The following UTP20 variants were observed in gnomAD, a reference collection of about 807,000 sequenced individuals.
UTP20 encodes UTP20 small subunit processome component, also known as small subunit processome component 20 homolog.
UTP20 carries 164 observed loss-of-function variants against 329.5 expected under a neutral mutation model. That is an observed-to-expected ratio of 0.50 (90% CI 0.44 to 0.57). The LOEUF is 0.57. Ranked by LOEUF, UTP20 falls within the 20% of genes least tolerant of loss-of-function variation. The pLI, the probability that UTP20 is intolerant of heterozygous loss-of-function variation, is 0.00. For synonymous variants in UTP20, 1,151 were observed against 1,159.3 expected (o/e 0.99, Z 0.14); for missense variants, 3,055 against 3,284.2 (o/e 0.93, Z 1.71).
chr12:101,299,243 A>G (rs922103354), intron 12 of UTP20, among the ~76,000 whole-genome samples: 5 of 152,234 alleles, frequency 3.3e-5, no homozygotes, highest in African/African-American at 4.8e-5. Flanking sequence ...AAAATTACTT[A>G]TATGTCATAA....
chr12:101,350,237 G>A (rs1869472551), intron 38 of UTP20, among the ~76,000 whole-genome samples: 1 of 152,098 alleles, frequency 6.6e-6, no homozygotes, highest in African/African-American at 2.4e-5. Flanking sequence ...TATGATCATA[G>A]CTCACTGCAG....
At chr12:101,364,096 G>T (rs60389106) in intron 45 of UTP20, among the ~76,000 whole-genome samples, 2,151 of 152,254 alleles carry the variant, frequency 0.014, 51 homozygotes, top group African/African-American at 0.049. Flanking sequence ...TTATGTCCAT[G>T]TTTGAAATTT....
intron 48 of UTP20, among the ~76,000 whole-genome samples, chr12:101,368,206 C>G (rs1297293647): frequency 1.3e-5 from 2 of 151,538 alleles, no homozygotes; most frequent in Admixed American, 6.6e-5. Context: ...ATTGCAACCT[C>G]CACCTCCTAG....
At chr12:101,375,559 T>C in intron 55 of UTP20, 65 bp from the exon 56 acceptor site, 1 of 1,562,778 alleles carries the variant, frequency 6.4e-7, no homozygotes, top group Non-Finnish European at 8.7e-7. Context: ...TGTGCTGGAG[T>C]AAAATTGTCC....
rs1869330559 is a variant in UTP20, at chr12:101,346,529, CTT to C, written c.4826_4827del (p.Leu1609ProfsTer14). 1.2e-6 allele frequency: 2 copies of C among 1,609,956 alleles called. No homozygotes were observed. The highest frequency in any genetic ancestry group is 3.4e-5 in the Admixed American group (2 of 59,394). On this transcript the variant is annotated frameshift_variant, in exon 38 of 62. Transcript: ENST00000261637. LOFTEE classifies it high-confidence loss of function. ...EGKVVLSSKS[L>X]QNYIMPYAMT... ...CAAAGTTGTTCTGTCTTCTAAATCT[CTT>C]CAGAATTACATCATGCCTTATGCCA...
intron 14 of UTP20, among the ~76,000 whole-genome samples, chr12:101,300,799 A>G (rs1036104854): frequency 2.6e-5 from 4 of 152,222 alleles, no homozygotes; most frequent in African/African-American, 9.7e-5. Flanking sequence ...GTATTAGAGA[A>G]TAAAGTGGAC....
rs535339408 is a variant in UTP20 at position 101,386,144 on chromosome 12, A to C, written c.*21A>C. ...AGTAATGTCTCCCTGTGCTGATACA[A>C]GCATGAACTTTCTGGAATATTCTGC... On this transcript the variant is annotated 3_prime_UTR_variant, in exon 62 of 62. Coordinates refer to ENST00000261637, the MANE Select transcript of UTP20 (RefSeq NM_014503.3). The C allele has an allele frequency of 2.5e-6, 4 of 1,583,400 alleles. No homozygotes were observed. The highest frequency in any genetic ancestry group is 2.4e-5 in the South Asian group (2 of 83,816).
chr12:101,297,371 A>G (rs1014531025), intron 12 of UTP20, among the ~76,000 whole-genome samples: 2 of 152,050 alleles, frequency 1.3e-5, no homozygotes, highest in African/African-American at 2.4e-5. Flanking sequence ...ACGCACCACC[A>G]TGCCCAGCTA....
chr12:101,362,430 A>G (rs914805070), intron 44 of UTP20, among the ~76,000 whole-genome samples: 3 of 152,234 alleles, frequency 2.0e-5, no homozygotes, highest in Non-Finnish European at 4.4e-5. Context: ...TGGGCCAGGC[A>G]CTGTGGCTCA....
intron 6 of UTP20, 98 bp downstream of exon 6, chr12:101,289,139 G>A: frequency 9.8e-7 from 1 of 1,020,410 alleles, no homozygotes; most frequent in South Asian, 1.5e-5. Flanking sequence ...CACCTTGGGA[G>A]GCCGAGGCAG....
chr12:101,333,179 C>T (rs1868815681), intron 27 of UTP20, 122 bp from the exon 28 acceptor site: 1 of 927,460 alleles, frequency 1.1e-6, no homozygotes. Flanking sequence ...ATCAAGTCAA[C>T]AGATTTAGTA....
chr12:101,379,311 A>G, intron 56 of UTP20, 60 bp from the exon 57 acceptor site: 2 of 1,434,772 alleles, frequency 1.4e-6, no homozygotes, highest in Non-Finnish European at 1.9e-6. Context: ...TAACTTAGTC[A>G]TATTTACCTC....
rs755877160 is a variant in UTP20, at chr12:101,290,168, T to C, written c.629T>C (p.Met210Thr). Residue 210 changes from methionine (M) to threonine (T), a missense_variant, in exon 7 of 62, where the codon ATG (methionine) becomes ACG (threonine). Physicochemically the swap from Met to Thr is moderately conservative, Grantham distance 81. This residue lies in a region of UTP20 where 2,445 missense variants were observed against 2,575.5 expected (regional missense o/e 0.95). Coordinates refer to ENST00000261637, the MANE Select transcript of UTP20 (RefSeq NM_014503.3). ...GATAAAAACGCACTTTTCAATTTAA[T>C]GTTTCTTGATCTTGATAAACATCCA... ...VSDKNALFNL[M>T]FLDLDKHPEK... is the part of the protein sequence containing the mutation. The C allele has an allele frequency of 2.5e-6, 4 of 1,603,820 alleles. No homozygotes were observed. Among genetic ancestry groups the C allele is most frequent in the Non-Finnish European group, 3.4e-6 (4 of 1,174,452 alleles).
At chr12:101,308,987 C>A (rs377672082) in intron 18 of UTP20, among the ~76,000 whole-genome samples, 2 of 151,832 alleles carry the variant, frequency 1.3e-5, no homozygotes, top group African/African-American at 4.8e-5. Flanking sequence ...CCCTCCTCGG[C>A]GTCCCAAAGT....
intron 39 of UTP20, among the ~76,000 whole-genome samples, 158 bp downstream of exon 39, chr12:101,352,352 A>ATGTGC (rs1869556938): frequency 6.6e-6 from 1 of 152,146 alleles, no homozygotes; most frequent in Admixed American, 6.5e-5. Context: ...TAATGCCACA[A>ATGTGC]TAAACATACG....
rs139012943 is a variant in UTP20, at chr12:101,371,087, A to T, written c.6717A>T (p.Pro2239=). The T allele has an allele frequency of 1.5e-5, 24 of 1,613,994 alleles. No homozygotes were observed. The African/African-American group carries it at 3.2e-4, about 22-fold the overall frequency. Residue 2239 remains proline, a synonymous_variant, in exon 51 of 62, where the codon CCA becomes CCT. Transcript: ENST00000261637. The part of the protein sequence containing the change: ...KAILSRKLLV[P]EIDEVMRKVS... ...TTTTATCAAGAAAGCTGTTGGTCCC[A>T]GAAATCGATGAGGTCATGCGGAAAG... is the stretch of plus-strand genomic sequence containing the variant.
In UTP20 at chr12:101,286,424, T is replaced by C. The variant is rs1363980618; in HGVS notation, c.430T>C (p.Leu144=). The C allele has an allele frequency of 6.2e-7, 1 of 1,613,934 alleles. No homozygotes were observed. The part of the protein sequence containing the change: ...TSILETQDTE[L]LEWAFTSLSY... ...GATCCTGGAGACTCAGGACACAGAG[T>C]TGTTAGAATGGGCTTTCACCTCGTT... Residue 144 remains leucine (L), a synonymous_variant, in exon 5 of 62, where the codon TTG becomes CTG. Transcript: ENST00000261637.
chr12:101,334,397 G>A, intron 28 of UTP20, 28 bp from the exon 29 acceptor site: 1 of 1,588,948 alleles, frequency 6.3e-7, no homozygotes, highest in Non-Finnish European at 8.6e-7. Context: ...TATGTATTTG[G>A]TATTCTGTTT....
At chr12:101,313,110 C>T (rs1474022866) in intron 21 of UTP20, among the ~76,000 whole-genome samples, 1 of 152,102 alleles carries the variant, frequency 6.6e-6, no homozygotes, top group Non-Finnish European at 1.5e-5. Flanking sequence ...TTTGTTTTAA[C>T]TGGATATGCT....
Sources: gnomAD v4.1 joint callset for allele counts (sites outside exome capture counted in the v4.1 genomes callset) on GRCh38, gnomAD v4.1.1 for gene constraint, gnomAD v4.1.1 regional missense constraint, MANE v1.5 for transcripts, NCBI Gene and HGNC (gene_info 2026-07-23, HGNC 2026-07-21) for gene names.